SMG6: variants seen among roughly 807,000 people sequenced by gnomAD.
The protein encoded by SMG6 is telomerase-binding protein EST1A.
A neutral mutation model predicts 142.2 loss-of-function variants in SMG6; 66 were observed. The observed-to-expected ratio is 0.46, with a 90% confidence interval of 0.38 to 0.57. SMG6 has a LOEUF of 0.57. Ranked by LOEUF, SMG6 falls within the 20% of genes least tolerant of loss-of-function variation. SMG6 has a pLI of 0.00. For synonymous variants in SMG6, 779 were observed against 702.4 expected (o/e 1.11, Z -1.72); for missense variants, 1,793 against 1,832.0 (o/e 0.98, Z 0.39).
At chr17:2,189,206 C>T (rs1186117665) in intron 10 of SMG6, among the ~76,000 whole-genome samples, 4 of 152,206 alleles carry the variant, frequency 2.6e-5, no homozygotes, top group African/African-American at 7.2e-5. Context: ...CTCCCAATCC[C>T]AGTACCCTCT....
chr17:2,244,075 G>A (rs906035635), intron 9 of SMG6, among the ~76,000 whole-genome samples: 7 of 152,214 alleles, frequency 4.6e-5, no homozygotes, highest in African/African-American at 4.8e-5. Context: ...AATTTAAGCA[G>A]TCAAGTGTTA....
chr17:2,262,124 C>A (rs149609406), intron 8 of SMG6, among the ~76,000 whole-genome samples: 2 of 152,174 alleles, frequency 1.3e-5, no homozygotes, highest in Admixed American at 6.5e-5. Context: ...TATCACAATT[C>A]CTCTTTCCCA....
At chr17:2,091,688 TGAG>T (rs2068720328) in intron 13 of SMG6, among the ~76,000 whole-genome samples, 2 of 125,894 alleles carry the variant, frequency 1.6e-5, no homozygotes, top group African/African-American at 3.7e-5. Flanking sequence ...TTTTTTTTTT[TGAG>T]AGAGAGTCTC....
chr17:2,129,470 A>T (rs2070026731), intron 13 of SMG6, among the ~76,000 whole-genome samples: 2 of 152,168 alleles, frequency 1.3e-5, no homozygotes, highest in South Asian at 4.1e-4. Context: ...AATAGAAGCG[A>T]ATGGTCTTAA....
At chr17:2,154,017 T>C (rs1310894518) in intron 13 of SMG6, among the ~76,000 whole-genome samples, 7 of 92,644 alleles carry the variant, frequency 7.6e-5, no homozygotes, top group South Asian at 4.4e-4. Flanking sequence ...TGGGGATGCA[T>C]GTAGAGTGTG....
intron 9 of SMG6, among the ~76,000 whole-genome samples, chr17:2,239,055 C>G (rs2073739297): frequency 6.6e-6 from 1 of 152,106 alleles, no homozygotes; most frequent in Admixed American, 6.6e-5. Context: ...GTTTTGTAAC[C>G]AAAATGCTAT....
intron 6 of SMG6, among the ~76,000 whole-genome samples, chr17:2,289,323 A>G (rs2074979519): frequency 6.6e-6 from 1 of 152,086 alleles, no homozygotes; most frequent in Non-Finnish European, 1.5e-5. Flanking sequence ...TGGGAGGCCA[A>G]CGCAAGAGGA....
chr17:2,295,857 G>A (rs187405912), intron 4 of SMG6, among the ~76,000 whole-genome samples: 2 of 152,204 alleles, frequency 1.3e-5, no homozygotes, highest in East Asian at 1.9e-4. Flanking sequence ...CCACTCCCCT[G>A]GACTACCAGC....
chr17:2,194,115 C>G (rs2072246451), intron 10 of SMG6, among the ~76,000 whole-genome samples: 1 of 152,142 alleles, frequency 6.6e-6, no homozygotes, highest in South Asian at 2.1e-4. Context: ...CTAAGGTGGG[C>G]TGGAAGAGAT....
At chr17:2,114,832 G>A (rs1010742171) in intron 13 of SMG6, among the ~76,000 whole-genome samples, 1 of 150,964 alleles carries the variant, frequency 6.6e-6, no homozygotes, top group Admixed American at 6.6e-5. Flanking sequence ...AGGAGGCTGA[G>A]GCACAAGAAT....
intron 13 of SMG6, chr17:2,122,632 G>C (rs1358386694): frequency 6.6e-6 from 1 of 152,214 alleles, no homozygotes; most frequent in African/African-American, 2.4e-5. Flanking sequence ...AAGCGGGGCG[G>C]GGGGCAATGG....
Position 2,303,648 on chromosome 17 carries a change from G to C in SMG6, c.73C>G (p.Gln25Glu). The change falls in exon 1 of 19, where the codon CAG becomes GAG. Residue 25 changes from glutamine to glutamate, a missense_variant. Gln to Glu is a conservative substitution (Grantham distance 29). Coordinates refer to ENST00000263073, the MANE Select transcript of SMG6 (RefSeq NM_017575.5). ...LRGILATLAP[Q>E]AGSRENMKEL... is the part of the protein sequence containing the mutation. ...CGCGACTCACCTCTGCTCCCGGCCT[G>C]CGGGGCCAGAGTAGCCAGGATCCCG... 6.7e-7 allele frequency: 1 copy of C among 1,487,894 alleles called. No homozygotes were observed. The highest frequency in any genetic ancestry group is 8.9e-7 in the Non-Finnish European group (1 of 1,125,726). 92.2% of individuals were successfully genotyped at this position (1,487,894 alleles called of 1,614,324 possible).
intron 13 of SMG6, among the ~76,000 whole-genome samples, chr17:2,089,362 C>G (rs1005282048): frequency 6.6e-6 from 1 of 152,058 alleles, no homozygotes. Flanking sequence ...CAGGGAACAC[C>G]CTGGGGAGCC....
chr17:2,201,921 G>A (rs1483079641), intron 10 of SMG6, among the ~76,000 whole-genome samples: 1 of 151,972 alleles, frequency 6.6e-6, no homozygotes, highest in Admixed American at 6.6e-5. Flanking sequence ...CTACTTGGGA[G>A]GCTGAGGCAG....
intron 13 of SMG6, among the ~76,000 whole-genome samples, chr17:2,157,562 T>C (rs2071045038): frequency 6.6e-6 from 1 of 152,152 alleles, no homozygotes; most frequent in South Asian, 2.1e-4. Context: ...CCACCCAACA[T>C]GAGTATGACT....
chr17:2,227,692 T>C (rs2073357679), intron 10 of SMG6, among the ~76,000 whole-genome samples: 1 of 152,244 alleles, frequency 6.6e-6, no homozygotes, highest in Admixed American at 6.5e-5. Context: ...TCAAACTGAC[T>C]GAAGTGCATG....
At chr17:2,075,212 GC>G (rs1489558458) in intron 15 of SMG6, among the ~76,000 whole-genome samples, 1 of 144,810 alleles carries the variant, frequency 6.9e-6, no homozygotes, top group African/African-American at 2.6e-5. Flanking sequence ...TTCCACAACA[GC>G]CCCCCCTAGC....
chr17:2,135,632 T>C (rs2070269330), intron 13 of SMG6, among the ~76,000 whole-genome samples: 1 of 152,246 alleles, frequency 6.6e-6, no homozygotes, highest in Admixed American at 6.5e-5. Context: ...CCACTAGAAA[T>C]GTGACTAGTG....
chr17:2,284,853 C>G (rs1161128146), intron 6 of SMG6, among the ~76,000 whole-genome samples: 1 of 152,184 alleles, frequency 6.6e-6, no homozygotes, highest in Non-Finnish European at 1.5e-5. Flanking sequence ...ATATTTGGCA[C>G]ACCATTACAG....
Sources: allele counts gnomAD v4.1 joint callset (sites outside exome capture counted in the v4.1 genomes callset), GRCh38; gene constraint gnomAD v4.1.1; transcripts MANE v1.5; gene names NCBI Gene and HGNC (gene_info 2026-07-23, HGNC 2026-07-21).